Variants in BMPR1B observed in about 807,000 individuals in gnomAD.
BMPR1B encodes the protein bone morphogenetic protein receptor type-1B.
Under a neutral mutation model 59.1 loss-of-function variants are expected in BMPR1B, and 12 were observed. The observed-to-expected ratio is 0.20, with a 90% CI of 0.13 to 0.33. BMPR1B has a LOEUF of 0.33. Ranked by LOEUF, BMPR1B falls within the 10% of genes least tolerant of loss-of-function variation. BMPR1B has a pLI of 1.00. For synonymous variants in BMPR1B, 237 were observed against 207.3 expected, an observed-to-expected ratio of 1.14 and a Z score of -1.23; for missense variants, 550 against 610.9, an observed-to-expected ratio of 0.90 and a Z score of 1.05.
At chr4:94,909,611 G>C (rs1728198557) in intron 2 of BMPR1B, among the ~76,000 whole-genome samples, 1 of 152,044 alleles carries the variant, frequency 6.6e-6, no homozygotes, top group African/African-American at 2.4e-5. Flanking sequence ...TTCTTGCTTA[G>C]TAGGCCTGAG....
At chr4:95,135,257 T>A (rs534174119) in intron 10 of BMPR1B, among the ~76,000 whole-genome samples, 1 of 152,338 alleles carries the variant, frequency 6.6e-6, no homozygotes, top group South Asian at 2.1e-4. Context: ...CTGTTTTGGT[T>A]ACTGTAGCCT....
intron 12 of BMPR1B, among the ~76,000 whole-genome samples, chr4:95,153,906 C>G (rs551768177): frequency 2.0e-5 from 3 of 152,186 alleles, no homozygotes; most frequent in Non-Finnish European, 4.4e-5. Flanking sequence ...TGTCTGGTTA[C>G]TAAAATGCTA....
At chr4:94,759,846 A>G (rs767951625) in intron 1 of BMPR1B, among the ~76,000 whole-genome samples, 1 of 152,234 alleles carries the variant, frequency 6.6e-6, no homozygotes, top group Non-Finnish European at 1.5e-5. Context: ...TGTTATAAGC[A>G]GATCATAGTA....
In BMPR1B at chr4:95,131,249, C is replaced by T. The variant is rs1733334580; in HGVS notation, c.813C>T (p.Ser271=). 1 of 1,613,798 alleles carries T rather than the reference C, an allele frequency of 6.2e-7. No homozygotes were observed. The highest frequency in any genetic ancestry group is 1.3e-5 in the African/African-American group (1 of 74,880). Residue 271 remains serine (S), a synonymous_variant, in exon 10 of 13, where the codon TCC becomes TCT. Coordinates refer to ENST00000515059, the MANE Select transcript of BMPR1B (RefSeq NM_001203.3). The stretch of plus-strand genomic sequence containing the variant: ...CTGCAGATATCAAAGGGACAGGGTC[C>T]TGGACCCAGTTGTACCTAATCACAG... ...FIAADIKGTG[S]WTQLYLITDY...
At position 94,987,133 on chromosome 4, in the gene BMPR1B, TG is replaced by T. The variant is rs1430329221; in HGVS notation, c.-112-8906del. Among the ~76,000 whole-genome samples, 7 of 144,402 alleles carry T rather than the reference TG, an allele frequency of 4.8e-5. No homozygotes were observed. The South Asian group carries it at 1.1e-3, about 22-fold the overall frequency. The allele number at this position is 144,402 out of a possible 152,430, so 94.7% of individuals were successfully genotyped here. ...TATATATAATATGTATATATGTATA[TG>T]TAATATATATAATGTATATATACAT... On this transcript the variant is annotated intron_variant, in intron 2 of 12. Coordinates refer to ENST00000515059, the MANE Select transcript of BMPR1B (RefSeq NM_001203.3).
chr4:95,020,063 G>T (rs552021091), intron 3 of BMPR1B, among the ~76,000 whole-genome samples: 236 of 152,170 alleles, frequency 1.6e-3, no homozygotes, highest in African/African-American at 5.3e-3. Context: ...CCTTGCCAGA[G>T]AATCTTGATT....
At chr4:94,865,413 C>T (rs562465797) in intron 1 of BMPR1B, among the ~76,000 whole-genome samples, 205 of 148,658 alleles carry the variant, frequency 1.4e-3, no homozygotes, top group South Asian at 2.8e-3. Context: ...TTTTTTGAGA[C>T]GGAGTCTCGC....
At chr4:94,821,652 T>C (rs531457318) in intron 1 of BMPR1B, among the ~76,000 whole-genome samples, 1 of 152,264 alleles carries the variant, frequency 6.6e-6, no homozygotes, top group East Asian at 1.9e-4. Flanking sequence ...ACCTCCTATT[T>C]GTTAGGCATT....
chr4:95,145,359 C>T (rs937427546), intron 10 of BMPR1B, among the ~76,000 whole-genome samples: 3 of 152,136 alleles, frequency 2.0e-5, no homozygotes, highest in Non-Finnish European at 2.9e-5. Flanking sequence ...TTCTTGTCAA[C>T]CTTGTTTCTC....
intron 3 of BMPR1B, among the ~76,000 whole-genome samples, chr4:95,037,966 A>G (rs1249407603): frequency 6.6e-6 from 1 of 152,192 alleles, no homozygotes; most frequent in African/African-American, 2.4e-5. Context: ...AAACATAGTA[A>G]GCAAATTATG....
At chr4:94,881,106 G>GC (rs1338230611) in intron 2 of BMPR1B, among the ~76,000 whole-genome samples, 1 of 152,046 alleles carries the variant, frequency 6.6e-6, no homozygotes, top group East Asian at 1.9e-4. Flanking sequence ...TGGTTCTGTG[G>GC]CATTCAGTAT....
chr4:94,808,963 G>T (rs1339853530), intron 1 of BMPR1B, among the ~76,000 whole-genome samples: 1 of 152,140 alleles, frequency 6.6e-6, no homozygotes, highest in Non-Finnish European at 1.5e-5. Flanking sequence ...GCTGAGGCAG[G>T]AGAATTGCTT....
rs972593299 is a variant in BMPR1B at position 94,907,202 on chromosome 4, G to A, written c.-113+31302G>A. Among the ~76,000 whole-genome samples the A allele has an allele frequency of 2.6e-5, 4 of 152,028 alleles. No homozygotes were observed. The South Asian group carries it at 8.3e-4, about 31-fold the overall frequency. On this transcript the variant is annotated intron_variant, in intron 2 of 12. Transcript: ENST00000515059. ...GTGCATCGTGGAAAAGCTTCTCAGTGTATTCTGACACACTCCTTTCATGAA... is the reference window on the plus strand; with the variant it reads ...GTGCATCGTGGAAAAGCTTCTCAGTATATTCTGACACACTCCTTTCATGAA...
chr4:95,121,339 T>TAA (rs2149287717), intron 6 of BMPR1B, among the ~76,000 whole-genome samples: 1 of 152,348 alleles, frequency 6.6e-6, no homozygotes, highest in African/African-American at 2.4e-5. Flanking sequence ...TCAGTTTATG[T>TAA]GTTCATGATA....
chr4:94,957,929 A>C (rs6838363), intron 2 of BMPR1B, among the ~76,000 whole-genome samples: 6,533 of 152,230 alleles, frequency 0.043, 352 homozygotes, highest in African/African-American at 0.12. Flanking sequence ...CAAGATCAAC[A>C]TGTGTGTTGA....
chr4:94,872,247 G>GA (rs1240934174), intron 1 of BMPR1B, among the ~76,000 whole-genome samples: 2 of 151,866 alleles, frequency 1.3e-5, no homozygotes, highest in African/African-American at 4.8e-5. Context: ...TGGAAATTCA[G>GA]AAAAAAATGA....
At chr4:95,039,640 A>G (rs1725509298) in intron 3 of BMPR1B, among the ~76,000 whole-genome samples, 1 of 152,164 alleles carries the variant, frequency 6.6e-6, no homozygotes, top group Non-Finnish European at 1.5e-5. Context: ...TGTGTGAGAG[A>G]GATGAAAAGG....
chr4:95,130,723 C>CTTTTTTTTTTTT (rs148720302), intron 9 of BMPR1B, among the ~76,000 whole-genome samples: 11 of 77,940 alleles, frequency 1.4e-4, no homozygotes, highest in South Asian at 5.0e-4. Context: ...CTTTTCTTTT[C>CTTTTTTTTTTTT]TTTTTTTTTT....
At chr4:94,861,322 A>G (rs1291292763) in intron 1 of BMPR1B, among the ~76,000 whole-genome samples, 3 of 152,216 alleles carry the variant, frequency 2.0e-5, no homozygotes, top group African/African-American at 4.8e-5. Flanking sequence ...TAAAGTACTT[A>G]GGACAACGTG....
Sources: gnomAD v4.1 joint callset for allele counts (sites outside exome capture counted in the v4.1 genomes callset) on GRCh38, gnomAD v4.1.1 for gene constraint, MANE v1.5 for transcripts, NCBI Gene and HGNC (gene_info 2026-07-23, HGNC 2026-07-21) for gene names.